Variants in USP34 observed in about 807,000 individuals in gnomAD.
The protein encoded by USP34 is ubiquitin carboxyl-terminal hydrolase 34.
Under a neutral mutation model 460.3 loss-of-function variants are expected in USP34, and 70 were observed. That is an observed-to-expected ratio of 0.15 (90% CI 0.13 to 0.19). USP34 has a LOEUF of 0.19. USP34 is among the 10% of genes least tolerant of loss of function. USP34 has a pLI of 1.00. For missense variants in USP34, 3,985 were observed against 4,236.2 expected, an observed-to-expected ratio of 0.94 and a Z score of 1.65; for synonymous variants, 1,647 against 1,405.3, an observed-to-expected ratio of 1.17 and a Z score of -3.85.
intron 8 of USP34, among the ~76,000 whole-genome samples, chr2:61,374,636 T>C (rs1325179746): frequency 1.3e-5 from 2 of 151,626 alleles, no homozygotes; most frequent in East Asian, 3.9e-4. Context: ...TTTGAGAGAC[T>C]ACTTGCTCTG....
rs1553387593 is a variant in USP34 at position 61,421,797 on chromosome 2, A to ACACACG, written c.44-965_44-964insCGTGTG. Among the ~76,000 whole-genome samples, 1,315 of 147,374 alleles carry ACACACG rather than the reference A, an allele frequency of 8.9e-3. 36 individuals carry two copies. The highest frequency in any genetic ancestry group is 0.055 in the Admixed American group (825 of 14,916). Reference sequence around the variant, plus strand: ...AAAACACACACACACACACACACACACGCGCGCGCGCGCACCTTCTACTTA... The same window carrying ACACACG: ...AAAACACACACACACACACACACACACACACGCGCGCGCGCGCGCACCTTCTACTTA... On this transcript the variant is annotated intron_variant, in intron 1 of 79. Transcript: ENST00000398571.
intron 1 of USP34, among the ~76,000 whole-genome samples, chr2:61,431,786 G>A (rs960855209): frequency 1.3e-5 from 2 of 152,078 alleles, no homozygotes; most frequent in Non-Finnish European, 1.5e-5. Context: ...CCCGGGAGGC[G>A]GAGGTTGCAG....
chr2:61,389,949 C>T lies in USP34; in HGVS notation c.753+4904G>A, dbSNP rs187875942. On this transcript the variant is annotated intron_variant, in intron 5 of 79. Coordinates refer to ENST00000398571, the MANE Select transcript of USP34 (RefSeq NM_014709.4). ...GTTCTGACAAAGTGCAAAGTGGCAT[C>T]ATGAAAACTTAATTTCCTATTCTCC... Among the ~76,000 whole-genome samples, 331 of 152,078 alleles carry T rather than the reference C, an allele frequency of 2.2e-3. 1 individual carries two copies. Among genetic ancestry groups the T allele is most frequent in the Non-Finnish European group, 3.5e-3 (238 of 67,982 alleles).
chr2:61,312,119 T>C (rs1011080910), intron 25 of USP34, among the ~76,000 whole-genome samples: 2 of 150,398 alleles, frequency 1.3e-5, no homozygotes, highest in African/African-American at 4.9e-5. Context: ...CCTAACAAAA[T>C]AGTCACCACG....
At chr2:61,362,669 T>C (rs972505731) in intron 10 of USP34, among the ~76,000 whole-genome samples, 1 of 152,122 alleles carries the variant, frequency 6.6e-6, no homozygotes, top group Non-Finnish European at 1.5e-5. Flanking sequence ...TAAAAGAGTA[T>C]AAAGTTTAAG....
intron 2 of USP34, among the ~76,000 whole-genome samples, chr2:61,412,886 CAAAAAAA>C (rs10717013): frequency 1.4e-5 from 1 of 72,662 alleles, no homozygotes; most frequent in Non-Finnish European, 2.8e-5. Flanking sequence ...AATCCCATCT[CAAAAAAA>C]AAAAAAAAAA....
intron 10 of USP34, among the ~76,000 whole-genome samples, chr2:61,362,554 CCAGA>C (rs1216919039): frequency 2.0e-5 from 3 of 152,022 alleles, no homozygotes; most frequent in East Asian, 1.9e-4. Context: ...GTGAAATAAA[CCAGA>C]CAAAGAGAGA....
In USP34 at chr2:61,348,049, T is replaced by C. The variant is rs778544422; in HGVS notation, c.2106A>G (p.Glu702=). 3 of 1,614,214 alleles carry C rather than the reference T, an allele frequency of 1.9e-6. No homozygotes were observed. In the South Asian group the frequency reaches 3.3e-5, roughly 18 times the overall value. Residue 702 remains glutamate, a synonymous_variant, in exon 15 of 80, where the codon GAA becomes GAG. Coordinates refer to ENST00000398571, the MANE Select transcript of USP34 (RefSeq NM_014709.4). The part of the protein sequence containing the change: ...LDACSHSEDP[E]HDISGEMNAT... ...CATTCATTTCCCCTGAAATATCATG[T>C]TCTGGGTCTTCAGAGTGTGAACAAG...
intron 41 of USP34, among the ~76,000 whole-genome samples, chr2:61,270,624 C>A (rs1391328589): frequency 6.6e-6 from 1 of 151,942 alleles, no homozygotes; most frequent in African/African-American, 2.4e-5. Flanking sequence ...TTAGTAGAGA[C>A]TGGGTTTCAC....
chr2:61,288,329 G>GT (rs1689751447), intron 34 of USP34, among the ~76,000 whole-genome samples: 1 of 152,130 alleles, frequency 6.6e-6, no homozygotes, highest in Non-Finnish European at 1.5e-5. Context: ...TTAAAGCCTT[G>GT]TAACACATAC....
intron 1 of USP34, among the ~76,000 whole-genome samples, chr2:61,465,970 C>T (rs1695750137): frequency 6.6e-6 from 1 of 151,274 alleles, no homozygotes; most frequent in African/African-American, 2.4e-5. Flanking sequence ...GAACAAGACT[C>T]TGTCTCAAAA....
At chr2:61,367,511 G>C (rs907402001) in intron 10 of USP34, among the ~76,000 whole-genome samples, 2 of 152,158 alleles carry the variant, frequency 1.3e-5, no homozygotes, top group African/African-American at 4.8e-5. Context: ...GACATGGGAA[G>C]TCAAAGAAAA....
rs1687283898 is a variant in USP34, at chr2:61,211,995, T to C, written c.8683-66A>G. 2.0e-6 allele frequency: 3 copies of C among 1,484,280 alleles called. No individual in the cohort carries two copies. The East Asian group carries it at 7.6e-5, about 38-fold the overall frequency. The allele number at this position is 1,484,280 out of a possible 1,614,324, so 91.9% of individuals were successfully genotyped here. On this transcript the variant is annotated intron_variant, in intron 68 of 79. Transcript: ENST00000398571. ...AGCATTTTAGAAGGTCAGTTTCTCATTTCTACGTTCATTAATCAACTCTTA... is the reference window on the plus strand; with the variant it reads ...AGCATTTTAGAAGGTCAGTTTCTCACTTCTACGTTCATTAATCAACTCTTA...
At chr2:61,259,876 T>G in intron 43 of USP34, 100 bp from the exon 44 acceptor site, 1 of 1,046,808 alleles carries the variant, frequency 9.6e-7, no homozygotes, top group Non-Finnish European at 1.4e-6. Context: ...GTATCTGTTT[T>G]CATTCTTTTG....
chr2:61,189,262 T>C (rs996098485), intron 78 of USP34, 193 bp from the exon 79 acceptor site: 7 of 542,850 alleles, frequency 1.3e-5, no homozygotes, highest in Non-Finnish European at 6.0e-6. Context: ...ATTAGTTGTT[T>C]TTTTTTTTTG....
chr2:61,271,671 G>T lies in USP34; in HGVS notation c.5434-5504C>A, dbSNP rs112999817. 9.8e-4 allele frequency among the ~76,000 whole-genome samples: 149 copies of T among 152,238 alleles called. 1 individual carries two copies. The highest frequency in any genetic ancestry group is 3.5e-3 in the African/African-American group (145 of 41,570). ...GATTAGCACTACTGGAAAGGTAAAA[G>T]AAAGAAGAAAGAGGAGAAAGGAGGG... On this transcript the variant is annotated intron_variant, in intron 41 of 79. Coordinates refer to ENST00000398571, the MANE Select transcript of USP34 (RefSeq NM_014709.4).
intron 1 of USP34, among the ~76,000 whole-genome samples, chr2:61,439,658 T>A (rs1226626239): frequency 6.6e-6 from 1 of 152,038 alleles, no homozygotes; most frequent in Non-Finnish European, 1.5e-5. Context: ...GCAGCCCCCG[T>A]GGAGCACAAG....
chr2:61,417,081 A>C, intron 2 of USP34: 1 of 1,413,942 alleles, frequency 7.1e-7, no homozygotes, highest in Non-Finnish European at 9.9e-7. Context: ...GCAGGACCTC[A>C]ATCACATGCG....
intron 38 of USP34, 72 bp downstream of exon 38, chr2:61,281,018 T>C: frequency 1.3e-6 from 2 of 1,488,724 alleles, no homozygotes; most frequent in Non-Finnish European, 1.8e-6. Flanking sequence ...TTTAAGGATA[T>C]ATTACAACGG....
Sources: allele counts gnomAD v4.1 joint callset (sites outside exome capture counted in the v4.1 genomes callset), GRCh38; gene constraint gnomAD v4.1.1; transcripts MANE v1.5; gene names NCBI Gene and HGNC (gene_info 2026-07-23, HGNC 2026-07-21).